ITPR2: variants seen among roughly 807,000 people sequenced by gnomAD.
The protein encoded by ITPR2 is inositol 1,4,5-trisphosphate-gated calcium channel ITPR2.
In ITPR2, 207 loss-of-function variants were observed where a neutral mutation model predicts 317.1. That is an observed-to-expected ratio of 0.65 (90% confidence interval 0.58 to 0.73). ITPR2 has a LOEUF of 0.73. ITPR2 is among the 30% of genes least tolerant of loss of function. The pLI is 0.00. For synonymous variants in ITPR2, 1,156 were observed against 1,149.1 expected (o/e 1.01, Z -0.12); for missense variants, 2,613 against 3,284.0 (o/e 0.80, Z 4.99).
Position 26,495,277 on chromosome 12 carries a change from CAA to C in ITPR2, c.5074-19_5074-18del, listed in dbSNP as rs757093332. 7.6e-7 allele frequency: 1 copy of C among 1,321,624 alleles called. No homozygotes were observed. Among genetic ancestry groups the C allele is most frequent in the South Asian group, 1.2e-5 (1 of 81,758 alleles). The allele number at this position is 1,321,624 out of a possible 1,614,324, so 81.9% of individuals were successfully genotyped here. A position where few individuals can be genotyped will look rare whatever the true frequency, so the allele number is the denominator to read the frequency against. ...TGTGTTACCCTAATAAGAAGGATAA[CAA>C]AGAGTTACTGTTCCCTTTTCTAATA... On this transcript the variant is annotated intron_variant, in intron 37 of 56. Coordinates refer to ENST00000381340, the MANE Select transcript of ITPR2 (RefSeq NM_002223.4).
At chr12:26,469,041 T>C (rs1258008660) in intron 45 of ITPR2, among the ~76,000 whole-genome samples, 1 of 152,210 alleles carries the variant, frequency 6.6e-6, no homozygotes, top group Non-Finnish European at 1.5e-5. Flanking sequence ...AGTTCAAATG[T>C]CACCTCTTCC....
At chr12:26,658,236 T>C in intron 16 of ITPR2, 106 bp from the exon 17 acceptor site, 1 of 694,230 alleles carries the variant, frequency 1.4e-6, no homozygotes. Flanking sequence ...TATTATATGT[T>C]TTAATATTAT....
intron 54 of ITPR2, among the ~76,000 whole-genome samples, chr12:26,394,335 G>A (rs1015573948): frequency 6.6e-6 from 1 of 152,182 alleles, no homozygotes. Context: ...ACAGAAATAT[G>A]TACAGTGCTA....
At chr12:26,705,875 G>C (rs1175195677) in intron 9 of ITPR2, among the ~76,000 whole-genome samples, 1 of 152,158 alleles carries the variant, frequency 6.6e-6, no homozygotes, top group Non-Finnish European at 1.5e-5. Flanking sequence ...AACTGTTGAT[G>C]ACCTTTCCAA....
chr12:26,687,273 T>C (rs142948535), intron 10 of ITPR2, among the ~76,000 whole-genome samples: 177 of 152,314 alleles, frequency 1.2e-3, no homozygotes, highest in African/African-American at 4.1e-3. Flanking sequence ...AGTATGTGTT[T>C]TTACTAGAAC....
intron 2 of ITPR2, among the ~76,000 whole-genome samples, chr12:26,775,744 G>A (rs1419261380): frequency 6.6e-6 from 1 of 151,764 alleles, no homozygotes; most frequent in Non-Finnish European, 1.5e-5. Flanking sequence ...AACTTGAAAA[G>A]GCTACACTGG....
At chr12:26,823,301 C>T (rs547492043) in intron 1 of ITPR2, among the ~76,000 whole-genome samples, 8 of 152,240 alleles carry the variant, frequency 5.3e-5, no homozygotes, top group African/African-American at 1.9e-4. Flanking sequence ...AGGTGCTGAG[C>T]ATACAGGATT....
chr12:26,813,277 C>T (rs961422854), intron 1 of ITPR2, among the ~76,000 whole-genome samples: 1 of 152,066 alleles, frequency 6.6e-6, no homozygotes, highest in African/African-American at 2.4e-5. Context: ...TTAAACCCTG[C>T]TTATATAACA....
intron 51 of ITPR2, among the ~76,000 whole-genome samples, chr12:26,413,917 C>T (rs763340978): frequency 1.3e-4 from 20 of 152,108 alleles, no homozygotes; most frequent in Admixed American, 2.0e-4. Flanking sequence ...CTACTGCACA[C>T]ATTTTGAATT....
At chr12:26,441,841 T>C (rs1179539823) in intron 46 of ITPR2, among the ~76,000 whole-genome samples, 3 of 152,134 alleles carry the variant, frequency 2.0e-5, no homozygotes, top group African/African-American at 7.2e-5. Flanking sequence ...GACATCCTTT[T>C]CCACACCATT....
chr12:26,617,587 T>TGAAA lies in ITPR2; in HGVS notation c.3462+3532_3462+3535dup, dbSNP rs369274674. Among the ~76,000 whole-genome samples the TGAAA allele has an allele frequency of 8.1e-4, 82 of 101,582 alleles. 2 individuals carry two copies. In the Middle Eastern group the frequency reaches 0.015, roughly 18 times the overall value. The allele number at this position is 101,582 out of a possible 152,430, so 66.6% of individuals were successfully genotyped here. ...CAATACTACTGCTTGATAGGAACAG[T>TGAAA]GAAAGAAAGAAAGAAAAGAAAAGAG... On this transcript the variant is annotated intron_variant, in intron 26 of 56. Coordinates refer to ENST00000381340, the MANE Select transcript of ITPR2 (RefSeq NM_002223.4).
At chr12:26,731,191 C>G (rs1009819674) in intron 2 of ITPR2, among the ~76,000 whole-genome samples, 6 of 152,192 alleles carry the variant, frequency 3.9e-5, no homozygotes, top group African/African-American at 1.4e-4. Flanking sequence ...GAGGCAAGTG[C>G]CTGTCACAAG....
intron 2 of ITPR2, among the ~76,000 whole-genome samples, chr12:26,784,276 TC>T (rs1950152308): frequency 6.4e-5 from 3 of 47,138 alleles, no homozygotes; most frequent in Admixed American, 4.0e-4. Context: ...CCTCTCCCTC[TC>T]CCTCTCCCTC....
At chr12:26,608,642 G>T (rs1258559930) in intron 26 of ITPR2, among the ~76,000 whole-genome samples, 1 of 151,578 alleles carries the variant, frequency 6.6e-6, no homozygotes, top group African/African-American at 2.4e-5. Flanking sequence ...GCCTCTGCCT[G>T]GCCCGCCCCA....
At chr12:26,694,391 C>T (rs934985407) in intron 10 of ITPR2, among the ~76,000 whole-genome samples, 1 of 152,220 alleles carries the variant, frequency 6.6e-6, no homozygotes, top group African/African-American at 2.4e-5. Context: ...TAGAATTCCT[C>T]TTCCTGACAA....
At chr12:26,653,185 G>A (rs774662665) in intron 21 of ITPR2, among the ~76,000 whole-genome samples, 3 of 151,154 alleles carry the variant, frequency 2.0e-5, no homozygotes, top group South Asian at 2.1e-4. Flanking sequence ...CCACACTGGC[G>A]TGGCATTCAC....
intron 1 of ITPR2, among the ~76,000 whole-genome samples, chr12:26,795,016 T>C (rs1264102322): frequency 6.6e-6 from 1 of 152,266 alleles, no homozygotes; most frequent in East Asian, 1.9e-4. Flanking sequence ...TCGATGTCTA[T>C]TCCAGCTTTA....
At chr12:26,502,230 G>C (rs1943087853) in intron 37 of ITPR2, among the ~76,000 whole-genome samples, 1 of 152,180 alleles carries the variant, frequency 6.6e-6, no homozygotes, top group Non-Finnish European at 1.5e-5. Context: ...TACAGGGTTT[G>C]CTGAAATTCA....
At chr12:26,499,011 T>C (rs1361514745) in intron 37 of ITPR2, among the ~76,000 whole-genome samples, 5 of 152,124 alleles carry the variant, frequency 3.3e-5, no homozygotes. Context: ...AATCTTTTAA[T>C]CACACCATTT....
Sources: gnomAD v4.1 joint callset for allele counts (sites outside exome capture counted in the v4.1 genomes callset) on GRCh38, gnomAD v4.1.1 for gene constraint, MANE v1.5 for transcripts, NCBI Gene and HGNC (gene_info 2026-07-23, HGNC 2026-07-21) for gene names.